Variants in PDE5A observed in about 807,000 individuals in gnomAD.
PDE5A encodes cGMP-specific 3',5'-cyclic phosphodiesterase.
Under a neutral mutation model 110.2 loss-of-function variants are expected in PDE5A, and 67 were observed. That is an observed-to-expected ratio of 0.61 (90% confidence interval 0.50 to 0.75). The LOEUF (loss-of-function observed/expected upper bound fraction) is 0.75, where lower values mean the gene tolerates loss of function less well. PDE5A is among the 30% of genes least tolerant of loss of function. The pLI, the probability that PDE5A is intolerant of heterozygous loss-of-function variation, is 0.00. For synonymous variants in PDE5A, 328 were observed against 351.2 expected, an observed-to-expected ratio of 0.93 and a Z score of 0.74; for missense variants, 862 against 1,045.1, an observed-to-expected ratio of 0.82 and a Z score of 2.42.
At chr4:119,621,609 T>A (rs890375639) in intron 1 of PDE5A, among the ~76,000 whole-genome samples, 2 of 151,012 alleles carry the variant, frequency 1.3e-5, no homozygotes, top group Non-Finnish European at 2.9e-5. Context: ...AGTAGATAGA[T>A]GAAAAGATAA....
intron 19 of PDE5A, among the ~76,000 whole-genome samples, chr4:119,502,128 CTTCTCTATTAAA>C (rs1312172036): frequency 6.6e-6 from 1 of 151,972 alleles, no homozygotes; most frequent in Non-Finnish European, 1.5e-5. Flanking sequence ...TCAGCCACAG[CTTCTCTATTAAA>C]TTCTTTTGAT....
intron 7 of PDE5A, among the ~76,000 whole-genome samples, chr4:119,555,748 T>G (rs1399311415): frequency 5.9e-5 from 9 of 152,130 alleles, no homozygotes; most frequent in Admixed American, 5.9e-4. Context: ...AGACTTACAC[T>G]AGTTAATATA....
intron 9 of PDE5A, chr4:119,543,868 C>T: frequency 6.6e-6 from 1 of 152,332 alleles, no homozygotes. Context: ...TTTTTCTATT[C>T]CCTTAACATG....
intron 7 of PDE5A, among the ~76,000 whole-genome samples, chr4:119,558,422 A>G (rs773880129): frequency 9.2e-5 from 14 of 152,200 alleles, no homozygotes; most frequent in Non-Finnish European, 1.9e-4. Context: ...GCTAACATCA[A>G]ATTGCCTAGT....
chr4:119,606,900 G>A lies in PDE5A; in HGVS notation c.550C>T (p.Arg184Cys), dbSNP rs200614611. 13 of 1,614,076 alleles carry A rather than the reference G, an allele frequency of 8.1e-6. No homozygotes were observed. The highest frequency in any genetic ancestry group is 7.6e-6 in the Non-Finnish European group (9 of 1,180,040). ...TCACAGACAAGGAACAGGGAATAGC[G>A]GTCAGCAGATATCAGTCCATGGATA... ...LHIHGLISAD[R>C]YSLFLVCEDS... is the part of the protein sequence containing the mutation. The change falls in exon 2 of 21, where the codon CGC becomes TGC. Residue 184 changes from arginine (R) to cysteine (C), a missense_variant. Coordinates refer to ENST00000354960, the MANE Select transcript of PDE5A (RefSeq NM_001083.4).
At chr4:119,591,299 G>A (rs1405048530) in intron 3 of PDE5A, among the ~76,000 whole-genome samples, 1 of 152,144 alleles carries the variant, frequency 6.6e-6, no homozygotes, top group Non-Finnish European at 1.5e-5. Context: ...CAGGAACTAC[G>A]TTAAACCCTT....
At chr4:119,509,762 G>A (rs1725677413) in intron 15 of PDE5A, among the ~76,000 whole-genome samples, 2 of 152,010 alleles carry the variant, frequency 1.3e-5, no homozygotes, top group African/African-American at 4.8e-5. Context: ...GCCAAAACAG[G>A]CTATATAACT....
chr4:119,542,670 T>C, intron 9 of PDE5A, 36 bp from the exon 10 acceptor site: 1 of 1,579,888 alleles, frequency 6.3e-7, no homozygotes, highest in Non-Finnish European at 8.7e-7. Context: ...AATGTTATTG[T>C]TGATTATCAT....
In PDE5A at chr4:119,498,504, A is replaced by G; in HGVS notation, c.*97T>C. ...AAAATACAGCAGTGGCAAAGTATATACCAAATACAGACACTATACAGACAG... is the reference window on the plus strand; with the variant it reads ...AAAATACAGCAGTGGCAAAGTATATGCCAAATACAGACACTATACAGACAG... On this transcript the variant is annotated 3_prime_UTR_variant, in exon 21 of 21. Transcript: ENST00000354960. 1.4e-6 allele frequency: 2 copies of G among 1,384,258 alleles called. No homozygotes were observed. Among genetic ancestry groups the G allele is most frequent in the Non-Finnish European group, 2.0e-6 (2 of 998,726 alleles). 85.7% of individuals were successfully genotyped at this position (1,384,258 alleles called of 1,614,324 possible). A position where few individuals can be genotyped will look rare whatever the true frequency, so the allele number is the denominator to read the frequency against.
chr4:119,506,036 T>G, intron 16 of PDE5A, 104 bp from the exon 17 acceptor site: 1 of 539,736 alleles, frequency 1.9e-6, no homozygotes, highest in Middle Eastern at 3.6e-4. Context: ...AAAAAACCTC[T>G]GATTTTTTTT....
At chr4:119,616,178 A>C (rs1729937624) in intron 1 of PDE5A, among the ~76,000 whole-genome samples, 1 of 152,164 alleles carries the variant, frequency 6.6e-6, no homozygotes, top group Admixed American at 6.6e-5. Context: ...CCCCAAAATC[A>C]CCGTTGGAAG....
intron 3 of PDE5A, among the ~76,000 whole-genome samples, chr4:119,591,352 G>T (rs1484019298): frequency 6.6e-6 from 1 of 152,160 alleles, no homozygotes; most frequent in African/African-American, 2.4e-5. Flanking sequence ...ACCCTTTAAG[G>T]TAGATCCTTT....
chr4:119,511,218 T>G (rs1458754329), intron 14 of PDE5A, 84 bp from the exon 15 acceptor site: 1 of 770,190 alleles, frequency 1.3e-6, no homozygotes, highest in Non-Finnish European at 2.2e-6. Flanking sequence ...ACTGTTTAAC[T>G]ACAAAAGAGG....
chr4:119,541,350 T>C (rs1726920931), intron 10 of PDE5A, among the ~76,000 whole-genome samples: 5 of 151,576 alleles, frequency 3.3e-5, no homozygotes, highest in South Asian at 2.1e-4. Flanking sequence ...TATGTATATA[T>C]GTGTATCTGT....
At chr4:119,599,832 A>G (rs965884804) in intron 2 of PDE5A, among the ~76,000 whole-genome samples, 3 of 152,006 alleles carry the variant, frequency 2.0e-5, no homozygotes. Flanking sequence ...ATTGATGAAA[A>G]CCTTAAGCTT....
At chr4:119,564,496 A>G (rs1175493571) in intron 5 of PDE5A, among the ~76,000 whole-genome samples, 2 of 152,126 alleles carry the variant, frequency 1.3e-5, no homozygotes, top group Non-Finnish European at 2.9e-5. Flanking sequence ...CTAGTGTAGC[A>G]GGCATAGGGC....
intron 9 of PDE5A, chr4:119,550,273 C>T (rs1263217656): frequency 6.6e-6 from 1 of 152,180 alleles, no homozygotes; most frequent in Non-Finnish European, 1.5e-5. Flanking sequence ...CCAAAATCTA[C>T]ATTTGCCTAC....
chr4:119,580,081 C>T (rs1212115283), intron 3 of PDE5A, among the ~76,000 whole-genome samples: 1 of 152,112 alleles, frequency 6.6e-6, no homozygotes, highest in Non-Finnish European at 1.5e-5. Flanking sequence ...AGCTGTCCTG[C>T]CCCAGGAACA....
intron 14 of PDE5A, among the ~76,000 whole-genome samples, chr4:119,516,874 C>T (rs1411044847): frequency 1.3e-5 from 2 of 152,224 alleles, no homozygotes; most frequent in African/African-American, 4.8e-5. Flanking sequence ...CTGTCTCGGC[C>T]TCCCAAAGTG....
Sources: gnomAD v4.1 joint callset for allele counts (sites outside exome capture counted in the v4.1 genomes callset) on GRCh38, gnomAD v4.1.1 for gene constraint, MANE v1.5 for transcripts, NCBI Gene and HGNC (gene_info 2026-07-23, HGNC 2026-07-21) for gene names.